ETV1: variants seen among roughly 807,000 people sequenced by gnomAD.
ETV1 encodes the protein ETS variant transcription factor 1, also known as ETS translocation variant 1.
Under a neutral mutation model 62.3 loss-of-function variants are expected in ETV1, and 27 were observed. That is an observed-to-expected ratio of 0.43 (90% CI 0.32 to 0.60). The LOEUF (loss-of-function observed/expected upper bound fraction) is 0.60, where lower values mean the gene tolerates loss of function less well. Among genes scored for constraint, ETV1 ranks in the 20% least tolerant of loss-of-function variants. The pLI, the probability that ETV1 is intolerant of heterozygous loss-of-function variation, is 0.06. For synonymous variants in ETV1, 222 were observed against 199.6 expected (o/e 1.11, Z -0.94); for missense variants, 605 against 605.8 (o/e 1.00, Z 0.01).
At chr7:13,918,497 T>G (rs960372614) in intron 9 of ETV1, among the ~76,000 whole-genome samples, 2 of 152,030 alleles carry the variant, frequency 1.3e-5, no homozygotes, top group East Asian at 3.9e-4. Context: ...CCAACAATGA[T>G]AGACTGGATT....
At chr7:13,907,545 C>CAAA (rs34369528) in intron 11 of ETV1, among the ~76,000 whole-genome samples, 7 of 150,314 alleles carry the variant, frequency 4.7e-5, no homozygotes, top group African/African-American at 1.5e-4. Context: ...ATTAATTTTA[C>CAAA]AAAAAAAAAT....
intron 6 of ETV1, among the ~76,000 whole-genome samples, chr7:13,942,526 C>T (rs1787675147): frequency 1.3e-5 from 2 of 152,002 alleles, no homozygotes; most frequent in African/African-American, 4.8e-5. Context: ...GCCTAGTACC[C>T]AGTAGTTATT....
intron 6 of ETV1, among the ~76,000 whole-genome samples, chr7:13,967,304 T>C (rs1343034223): frequency 1.3e-5 from 2 of 151,952 alleles, no homozygotes; most frequent in Non-Finnish European, 2.9e-5. Context: ...ATGAAACAAA[T>C]CTCTGAATAG....
chr7:13,964,103 T>C (rs1229948099), intron 6 of ETV1, among the ~76,000 whole-genome samples: 3 of 152,152 alleles, frequency 2.0e-5, no homozygotes, highest in Non-Finnish European at 4.4e-5. Flanking sequence ...TCACCTGACA[T>C]TCTGGCCCCA....
intron 9 of ETV1, among the ~76,000 whole-genome samples, chr7:13,926,942 GTAATTA>G (rs1196596459): frequency 1.3e-5 from 2 of 152,004 alleles, no homozygotes; most frequent in African/African-American, 2.4e-5. Context: ...TTGCATTCCT[GTAATTA>G]TAATTATAAC....
At chr7:13,925,710 G>C (rs1785338605) in intron 9 of ETV1, among the ~76,000 whole-genome samples, 1 of 150,700 alleles carries the variant, frequency 6.6e-6, no homozygotes, top group African/African-American at 2.4e-5. Flanking sequence ...GGACTACAGG[G>C]ACCCGCCACT....
Position 13,989,116 on chromosome 7 carries a change from C to A in ETV1, c.-64G>T. On this transcript the variant is annotated 5_prime_UTR_variant, in exon 3 of 14. The change creates a new upstream start codon in the 5' untranslated region. Coordinates refer to ENST00000430479, the MANE Select transcript of ETV1 (RefSeq NM_004956.5). ...TTTTGAGCATTTAGCTGGAGATTTC[C>A]TCAGGATCTGGACTTCTATCAACCT... 1 of 1,423,004 alleles carries A rather than the reference C, an allele frequency of 7.0e-7. No homozygotes were observed. The highest frequency in any genetic ancestry group is 9.7e-7 in the Non-Finnish European group (1 of 1,028,348). 88.1% of individuals were successfully genotyped at this position (1,423,004 alleles called of 1,614,324 possible).
chr7:13,952,071 A>C (rs1243799402), intron 6 of ETV1, among the ~76,000 whole-genome samples: 1 of 152,200 alleles, frequency 6.6e-6, no homozygotes, highest in East Asian at 1.9e-4. Flanking sequence ...ATAAATAAAC[A>C]TGGAAAACGT....
rs933430775 is a variant in ETV1, at chr7:13,894,756, G to A, written c.*1110C>T. On this transcript the variant is annotated 3_prime_UTR_variant, in exon 14 of 14. Transcript: ENST00000430479. ...AGAGAATATTACAGAAAAGACAGCA[G>A]CAGAAGCATTAGCATTATCTAATAT... 4.3e-6 allele frequency: 1 copy of A among 232,448 alleles called. No individual in the cohort carries two copies. The allele number at this position is 232,448 out of a possible 1,614,324, so 14.4% of individuals were successfully genotyped here.
chr7:13,920,441 A>AGAGTGTGT (rs1784716598), intron 9 of ETV1, among the ~76,000 whole-genome samples: 3 of 148,430 alleles, frequency 2.0e-5, no homozygotes, highest in Admixed American at 1.4e-4. Flanking sequence ...AGAGTGAGTG[A>AGAGTGTGT]GTGTGTGTGT....
intron 12 of ETV1, among the ~76,000 whole-genome samples, chr7:13,902,593 T>C (rs188442600): frequency 6.6e-6 from 1 of 152,254 alleles, no homozygotes; most frequent in African/African-American, 2.4e-5. Context: ...AACCTAACTA[T>C]GGACATCAGT....
chr7:13,970,129 C>T (rs112134786), intron 6 of ETV1, among the ~76,000 whole-genome samples: 1 of 151,724 alleles, frequency 6.6e-6, no homozygotes, highest in East Asian at 1.9e-4. Flanking sequence ...GGCGTGGTGG[C>T]GGGCGCCTGT....
At chr7:13,942,156 TG>T (rs1328788464) in intron 6 of ETV1, among the ~76,000 whole-genome samples, 1 of 151,270 alleles carries the variant, frequency 6.6e-6, no homozygotes, top group African/African-American at 2.4e-5. Context: ...CCCGAGTAGC[TG>T]GGACTACAGG....
intron 3 of ETV1, chr7:13,988,426 C>T (rs1257510226): frequency 5.2e-6 from 3 of 580,344 alleles, no homozygotes; most frequent in Non-Finnish European, 9.0e-6. Flanking sequence ...ATTTATCAAT[C>T]ATATATTCAT....
In ETV1 at chr7:13,980,557, G is replaced by A. The variant is rs150990207; in HGVS notation, c.182-3077C>T. 3.2e-3 allele frequency among the ~76,000 whole-genome samples: 488 copies of A among 152,200 alleles called. 2 individuals carry two copies. The highest frequency in any genetic ancestry group is 5.0e-3 in the Non-Finnish European group (342 of 68,006). On this transcript the variant is annotated intron_variant, in intron 5 of 13. Coordinates refer to ENST00000430479, the MANE Select transcript of ETV1 (RefSeq NM_004956.5). ...CACACTATGTAATTAAAGACGAAGGGGAAGAGGAGGAAAGGAGAAGGGGAG... is the reference window on the plus strand; with the variant it reads ...CACACTATGTAATTAAAGACGAAGGAGAAGAGGAGGAAAGGAGAAGGGGAG...
At chr7:13,927,164 T>A (rs1447574844) in intron 9 of ETV1, among the ~76,000 whole-genome samples, 2 of 152,200 alleles carry the variant, frequency 1.3e-5, no homozygotes, top group Admixed American at 6.5e-5. Flanking sequence ...AAATGCTTTT[T>A]ACGGCAGGGT....
chr7:13,914,987 G>A (rs1191685281), intron 9 of ETV1, among the ~76,000 whole-genome samples: 1 of 152,002 alleles, frequency 6.6e-6, no homozygotes, highest in African/African-American at 2.4e-5. Context: ...TCTAAATAAG[G>A]GAGAAAAACA....
intron 12 of ETV1, among the ~76,000 whole-genome samples, chr7:13,904,793 T>G (rs1224851643): frequency 6.6e-6 from 1 of 151,964 alleles, no homozygotes; most frequent in Non-Finnish European, 1.5e-5. Context: ...GAAAGGGCTT[T>G]CAAATTACTT....
At chr7:13,913,699 T>C (rs1042294732) in intron 9 of ETV1, among the ~76,000 whole-genome samples, 1 of 152,162 alleles carries the variant, frequency 6.6e-6, no homozygotes, top group Non-Finnish European at 1.5e-5. Context: ...TATCTTACTC[T>C]GCTGTTCTTA....
Sources: gnomAD v4.1 joint callset for allele counts (sites outside exome capture counted in the v4.1 genomes callset) on GRCh38, gnomAD v4.1.1 for gene constraint, MANE v1.5 for transcripts, NCBI Gene and HGNC (gene_info 2026-07-23, HGNC 2026-07-21) for gene names.